TENM3: variants seen among roughly 807,000 people sequenced by gnomAD.
The protein encoded by TENM3 is teneurin transmembrane protein 3, also known as teneurin-3.
Under a neutral mutation model 255.1 loss-of-function variants are expected in TENM3, and 63 were observed. That is an observed-to-expected ratio of 0.25 (90% CI 0.20 to 0.30). The LOEUF is 0.30. Among genes scored for constraint, TENM3 ranks in the 10% least tolerant of loss-of-function variants. TENM3 has a pLI of 1.00. For missense variants in TENM3, 2,929 were observed against 3,461.1 expected, an observed-to-expected ratio of 0.85 and a Z score of 3.86; for synonymous variants, 1,306 against 1,322.3, an observed-to-expected ratio of 0.99 and a Z score of 0.27.
chr4:182,412,415 T>A (rs971483071), intron 3 of TENM3, among the ~76,000 whole-genome samples: 1 of 152,142 alleles, frequency 6.6e-6, no homozygotes, highest in African/African-American at 2.4e-5. Context: ...TCAAAATGTA[T>A]ATGCAAATTA....
chr4:182,161,815 G>GTA (rs1188802655), intron 1 of TENM3, among the ~76,000 whole-genome samples: 2,893 of 30,378 alleles, frequency 0.095, 593 homozygotes, highest in Admixed American at 0.16. Flanking sequence ...ACATATATAT[G>GTA]TATATATATA....
the TENM3 span, among the ~76,000 whole-genome samples, chr4:182,082,947 G>T: frequency 1.1e-4 from 16 of 152,068 alleles, no homozygotes; most frequent in Non-Finnish European, 2.2e-4. Flanking sequence ...CTTTTTTTGA[G>T]ATGTCAAATA....
At chr4:182,578,032 A>C (rs987579509) in intron 3 of TENM3, among the ~76,000 whole-genome samples, 3 of 151,058 alleles carry the variant, frequency 2.0e-5, no homozygotes, top group Non-Finnish European at 4.4e-5. Context: ...GCTGGAGTGC[A>C]ATGGCGCAAT....
chr4:182,195,387 C>G (rs564088425), intron 1 of TENM3, among the ~76,000 whole-genome samples: 1 of 152,080 alleles, frequency 6.6e-6, no homozygotes, highest in African/African-American at 2.4e-5. Context: ...GCCTGTAATC[C>G]GAGCACTTTG....
intron 6 of TENM3, among the ~76,000 whole-genome samples, chr4:182,660,003 C>T (rs1390808313): frequency 6.6e-6 from 1 of 152,186 alleles, no homozygotes; most frequent in Non-Finnish European, 1.5e-5. Context: ...TAAGTGGTCT[C>T]ATCAATTAAA....
chr4:182,492,987 G>A (rs1295198313), intron 3 of TENM3, among the ~76,000 whole-genome samples: 1 of 151,562 alleles, frequency 6.6e-6, no homozygotes, highest in African/African-American at 2.4e-5. Context: ...AGGAAGGAGT[G>A]GTTTATATTT....
intron 24 of TENM3, among the ~76,000 whole-genome samples, chr4:182,779,111 G>C (rs946844778): frequency 5.4e-5 from 8 of 146,870 alleles, no homozygotes; most frequent in Admixed American, 2.7e-4. Context: ...CATTGTGTAG[G>C]TTAGTTACAT....
At chr4:182,561,631 A>G (rs73872437) in intron 3 of TENM3, among the ~76,000 whole-genome samples, 2,039 of 152,184 alleles carry the variant, frequency 0.013, 51 homozygotes, top group African/African-American at 0.047. Context: ...ACTTTTTGTC[A>G]GTACCTGCCA....
intron 6 of TENM3, among the ~76,000 whole-genome samples, chr4:182,661,875 T>C (rs1188115413): frequency 6.6e-6 from 1 of 152,218 alleles, no homozygotes; most frequent in African/African-American, 2.4e-5. Context: ...GCCTTTCCGT[T>C]TCACTCATTA....
chr4:182,120,760 T>C, the TENM3 span, among the ~76,000 whole-genome samples: 1 of 152,110 alleles, frequency 6.6e-6, no homozygotes, highest in African/African-American at 2.4e-5. Context: ...GAATAGCCAG[T>C]GTCCGGTACC....
chr4:182,415,181 C>G (rs1770279514), intron 3 of TENM3, among the ~76,000 whole-genome samples: 1 of 152,176 alleles, frequency 6.6e-6, no homozygotes, highest in Middle Eastern at 3.2e-3. Flanking sequence ...TTCCTTGCTT[C>G]TTTAGCTGTG....
the TENM3 span, among the ~76,000 whole-genome samples, chr4:181,557,723 G>T: frequency 6.6e-6 from 1 of 151,942 alleles, no homozygotes; most frequent in Admixed American, 6.6e-5. Flanking sequence ...TAGAGACAGG[G>T]TTTTGCCATG....
chr4:182,708,917 A>T (rs1337856492), intron 12 of TENM3, among the ~76,000 whole-genome samples: 4 of 152,150 alleles, frequency 2.6e-5, no homozygotes, highest in Non-Finnish European at 5.9e-5. Context: ...TAAATAATTG[A>T]AACTCCAGGG....
intron 22 of TENM3, among the ~76,000 whole-genome samples, chr4:182,768,607 G>T (rs1245751631): frequency 6.6e-6 from 1 of 152,102 alleles, no homozygotes; most frequent in Non-Finnish European, 1.5e-5. Flanking sequence ...GGAGCTTCAC[G>T]TCAGGTTGAA....
At chr4:181,838,422 G>T in the TENM3 span, among the ~76,000 whole-genome samples, 1 of 152,128 alleles carries the variant, frequency 6.6e-6, no homozygotes, top group Admixed American at 6.5e-5. Flanking sequence ...TGGGCATCTG[G>T]AATTTGCTGA....
chr4:182,335,469 T>G (rs1411986029), intron 2 of TENM3, among the ~76,000 whole-genome samples: 1 of 102,134 alleles, frequency 9.8e-6, no homozygotes, highest in Non-Finnish European at 1.8e-5. Flanking sequence ...CACTCCAGCC[T>G]GGGCGACAGA....
At chr4:181,595,446 A>AAAAAAAAAAAACAG in the TENM3 span, among the ~76,000 whole-genome samples, 10 of 145,460 alleles carry the variant, frequency 6.9e-5, no homozygotes, top group East Asian at 2.0e-4. Flanking sequence ...AAAAAAAAAA[A>AAAAAAAAAAAACAG]AAAAAAAACA....
chr4:182,761,598 G>GTA (rs144339126), intron 22 of TENM3, among the ~76,000 whole-genome samples: 21,178 of 151,712 alleles, frequency 0.14, 2,915 homozygotes, highest in African/African-American at 0.36. Flanking sequence ...AAGTATATAT[G>GTA]TATACACACA....
chr4:181,722,642 CAA>C, the TENM3 span, among the ~76,000 whole-genome samples: 1 of 152,030 alleles, frequency 6.6e-6, no homozygotes, highest in Non-Finnish European at 1.5e-5. Flanking sequence ...AAAGCATAAA[CAA>C]TGAAATTAAA....
Sources: allele counts gnomAD v4.1 joint callset (sites outside exome capture counted in the v4.1 genomes callset), GRCh38; gene constraint gnomAD v4.1.1; transcripts MANE v1.5; gene names NCBI Gene and HGNC (gene_info 2026-07-23, HGNC 2026-07-21).